The following SEPTIN9 variants were observed in gnomAD, a reference collection of about 807,000 sequenced individuals.
SEPTIN9 encodes the protein septin-9.
In SEPTIN9, 13 loss-of-function variants were observed where a neutral mutation model predicts 56.6. The ratio of observed to expected loss-of-function variants is 0.23; its 90% CI spans 0.15 to 0.37. The LOEUF is 0.37. Among genes scored for constraint, SEPTIN9 ranks in the 10% least tolerant of loss-of-function variants. SEPTIN9 has a pLI of 1.00. For synonymous variants in SEPTIN9, 332 were observed against 334.1 expected (o/e 0.99, Z 0.07); for missense variants, 650 against 823.1 (o/e 0.79, Z 2.57).
At chr17:77,324,980 A>T (rs1197917757) in intron 2 of SEPTIN9, among the ~76,000 whole-genome samples, 1 of 151,772 alleles carries the variant, frequency 6.6e-6, no homozygotes, top group Non-Finnish European at 1.5e-5. Context: ...CACCACACCC[A>T]GCTAATTTTT....
chr17:77,488,413 G>A (rs1352300035), intron 6 of SEPTIN9, 92 bp downstream of exon 6: 31 of 1,199,460 alleles, frequency 2.6e-5, no homozygotes, highest in African/African-American at 4.5e-5. Flanking sequence ...CCCGGCCCGC[G>A]GGGGTGCAGG....
At chr17:77,368,271 C>T (rs888671484) in intron 2 of SEPTIN9, among the ~76,000 whole-genome samples, 2 of 151,530 alleles carry the variant, frequency 1.3e-5, no homozygotes, top group African/African-American at 4.9e-5. Flanking sequence ...ATGTCACTAA[C>T]ATGGAAACTT....
chr17:77,314,477 C>T (rs2032625466), intron 2 of SEPTIN9, among the ~76,000 whole-genome samples: 1 of 151,768 alleles, frequency 6.6e-6, no homozygotes, highest in Non-Finnish European at 1.5e-5. Context: ...AGCCACCACA[C>T]CCAGCAGGAA....
In SEPTIN9 at chr17:77,482,251, G is replaced by A. The variant is rs767835023; in HGVS notation, c.829G>A (p.Gly277Ser). ...GAACGAGAAGGCCCCGGTGGACTTC[G>A]GCTACGTGGGGATTGACTCCATCCT... is the stretch of plus-strand genomic sequence containing the variant. Reference protein sequence around the residue: ...SRNEKAPVDFGYVGIDSILEQ... With the variant: ...SRNEKAPVDFSYVGIDSILEQ... Residue 277 changes from glycine to serine, a missense_variant, in exon 4 of 12, where the codon GGC becomes AGC. By Grantham distance (56) the Gly-to-Ser change is moderately conservative (BLOSUM62 0). Coordinates refer to ENST00000427177, the MANE Select transcript of SEPTIN9 (RefSeq NM_001113491.2). 33 of 1,613,030 alleles carry A rather than the reference G, an allele frequency of 2.0e-5. No individual in the cohort carries two copies. The highest frequency in any genetic ancestry group is 1.2e-4 in the African/African-American group (9 of 74,920).
intron 2 of SEPTIN9, among the ~76,000 whole-genome samples, chr17:77,396,574 A>G (rs384379): frequency 1.9e-3 from 283 of 152,038 alleles, no homozygotes; most frequent in African/African-American, 6.4e-3. Context: ...GCTTCCCAGG[A>G]GGCCTGCACA....
At chr17:77,489,539 C>T (rs1267516398) in intron 7 of SEPTIN9, among the ~76,000 whole-genome samples, 3 of 152,190 alleles carry the variant, frequency 2.0e-5, no homozygotes, top group Non-Finnish European at 4.4e-5. Flanking sequence ...GACCAGAGGC[C>T]AGCAGGAGTG....
At chr17:77,351,228 A>AACAC (rs10537405) in intron 2 of SEPTIN9, among the ~76,000 whole-genome samples, 5,249 of 144,696 alleles carry the variant, frequency 0.036, 100 homozygotes, top group South Asian at 0.053. Flanking sequence ...GCGTGCACAC[A>AACAC]ACACACACAC....
At chr17:77,415,472 T>C (rs2036467189) in intron 3 of SEPTIN9, among the ~76,000 whole-genome samples, 2 of 151,704 alleles carry the variant, frequency 1.3e-5, no homozygotes, top group Non-Finnish European at 2.9e-5. Flanking sequence ...CTGGGTGTGG[T>C]GGCGTGTACC....
rs1285864313 is a variant in SEPTIN9 at position 77,449,444 on chromosome 17, G to A, written c.722-32700G>A. Among the ~76,000 whole-genome samples, 2 of 152,186 alleles carry A rather than the reference G, an allele frequency of 1.3e-5. No individual in the cohort carries two copies. The highest frequency in any genetic ancestry group is 4.8e-5 in the African/African-American group (2 of 41,438). On this transcript the variant is annotated intron_variant, in intron 3 of 11. Transcript: ENST00000427177. The surrounding 1 kb of genome is among the most constrained non-coding windows in gnomAD (Gnocchi z 4.6). ...GGAGGGGAGGAGGCTGGGCTTGGAG[G>A]AGAGCAGGGTCTTGGGCCCTGGGAA...
At chr17:77,431,072 G>A (rs2037113874) in intron 3 of SEPTIN9, among the ~76,000 whole-genome samples, 1 of 152,252 alleles carries the variant, frequency 6.6e-6, no homozygotes, top group Non-Finnish European at 1.5e-5. Flanking sequence ...GCTGGGCGTG[G>A]TGGCTCACGC....
chr17:77,449,584 C>T lies in SEPTIN9; in HGVS notation c.722-32560C>T, dbSNP rs561708905. 1.2e-4 allele frequency among the ~76,000 whole-genome samples: 18 copies of T among 152,298 alleles called. No individual in the cohort carries two copies. The highest frequency in any genetic ancestry group is 2.4e-4 in the African/African-American group (10 of 41,566). ...CTGCCCACGGGGAGGGAGAGGCCCA[C>T]GGGGCAGGGGCGTGGTGGGAGCTGC... On this transcript the variant is annotated intron_variant, in intron 3 of 11. Coordinates refer to ENST00000427177, the MANE Select transcript of SEPTIN9 (RefSeq NM_001113491.2). This position sits in a 1 kb window ranked among gnomAD's most constrained non-coding sequence, Gnocchi z 4.6.
In SEPTIN9 at chr17:77,405,335, A is replaced by T. The variant is rs909489619; in HGVS notation, c.721+2632A>T. Among the ~76,000 whole-genome samples the T allele has an allele frequency of 6.6e-6, 1 of 152,148 alleles. No individual in the cohort carries two copies. The highest frequency in any genetic ancestry group is 2.4e-5 in the African/African-American group (1 of 41,428). On this transcript the variant is annotated intron_variant, in intron 3 of 11. Coordinates refer to ENST00000427177, the MANE Select transcript of SEPTIN9 (RefSeq NM_001113491.2). This position sits in a 1 kb window ranked among gnomAD's most constrained non-coding sequence, Gnocchi z 5.8. Reference sequence around the variant, plus strand: ...GGAGTGTCCAGGGAGCTTCCCCAGCAGTGGAAGTACAATTTCATCAGGCCA... The same window carrying T: ...GGAGTGTCCAGGGAGCTTCCCCAGCTGTGGAAGTACAATTTCATCAGGCCA...
At chr17:77,379,595 T>C (rs1468555662) in intron 2 of SEPTIN9, among the ~76,000 whole-genome samples, 1 of 152,102 alleles carries the variant, frequency 6.6e-6, no homozygotes, top group African/African-American at 2.4e-5. Flanking sequence ...ATTTCTTACA[T>C]GCCCAGGCAT....
At chr17:77,409,737 G>A (rs1198840175) in intron 3 of SEPTIN9, among the ~76,000 whole-genome samples, 1 of 152,212 alleles carries the variant, frequency 6.6e-6, no homozygotes, top group Non-Finnish European at 1.5e-5. Flanking sequence ...GACAGCTGCC[G>A]GGATTGAGGG....
chr17:77,391,869 T>C (rs1400248826), intron 2 of SEPTIN9, among the ~76,000 whole-genome samples: 1 of 152,178 alleles, frequency 6.6e-6, no homozygotes, highest in Non-Finnish European at 1.5e-5. Flanking sequence ...AGGGAGAAAT[T>C]AACATCACAA....
At chr17:77,338,978 A>G (rs138875439) in intron 2 of SEPTIN9, among the ~76,000 whole-genome samples, 1 of 152,298 alleles carries the variant, frequency 6.6e-6, no homozygotes, top group Non-Finnish European at 1.5e-5. Flanking sequence ...TTGTCTGCTC[A>G]TCCATAAGAA....
intron 4 of SEPTIN9, chr17:77,483,556 CT>C (rs779556302): frequency 2.5e-4 from 38 of 152,534 alleles, no homozygotes; most frequent in Non-Finnish European, 2.2e-4. Context: ...AGTGGCCAGG[CT>C]GGGACTCATC....
Position 77,450,073 on chromosome 17 carries a change from C to T in SEPTIN9, c.722-32071C>T, listed in dbSNP as rs116132579. Among the ~76,000 whole-genome samples, 954 of 152,296 alleles carry T rather than the reference C, an allele frequency of 6.3e-3. 10 individuals are homozygous for T. The highest frequency in any genetic ancestry group is 0.022 in the African/African-American group (919 of 41,570). The stretch of plus-strand genomic sequence containing the variant: ...ACTCCCCCGGCTCTGGCCTGGCGCC[C>T]GGAGACCAGTAGCAGCAGCTCCCCA... On this transcript the variant is annotated intron_variant, in intron 3 of 11. Coordinates refer to ENST00000427177, the MANE Select transcript of SEPTIN9 (RefSeq NM_001113491.2). The surrounding 1 kb of genome is among the most constrained non-coding windows in gnomAD (Gnocchi z 6.0).
At chr17:77,457,499 G>A (rs545604026) in intron 3 of SEPTIN9, among the ~76,000 whole-genome samples, 4 of 152,206 alleles carry the variant, frequency 2.6e-5, no homozygotes, top group Admixed American at 6.5e-5. Context: ...GTGTTTATGC[G>A]CTGGGCCTTG....
Sources: allele counts gnomAD v4.1 joint callset (sites outside exome capture counted in the v4.1 genomes callset), GRCh38; gene constraint gnomAD v4.1.1; non-coding constraint Gnocchi (gnomAD v3.1); transcripts MANE v1.5; gene names NCBI Gene and HGNC (gene_info 2026-07-23, HGNC 2026-07-21).